Variants in ATXN7L1 observed in about 807,000 individuals in gnomAD.
ATXN7L1 encodes ataxin-7-like protein 1.
Under a neutral mutation model 70.8 loss-of-function variants are expected in ATXN7L1, and 15 were observed. The observed-to-expected ratio is 0.21, with a 90% CI of 0.14 to 0.33. The LOEUF (loss-of-function observed/expected upper bound fraction) is 0.33. Among genes scored for constraint, ATXN7L1 ranks in the 10% least tolerant of loss-of-function variants. The pLI is 1.00. For synonymous variants in ATXN7L1, 440 were observed against 445.1 expected (o/e 0.99, Z 0.14); for missense variants, 975 against 1,097.1 (o/e 0.89, Z 1.57).
chr7:105,824,508 A>G lies in ATXN7L1; in HGVS notation c.251-35800T>C, dbSNP rs146053036. ...ACGGTAAGAAAAAAAGCAGAAAACA[A>G]TCAAGAGCTCTTGGAAATTAAAAAT... On this transcript the variant is annotated intron_variant, in intron 2 of 11. Transcript: ENST00000419735. 3.6e-3 allele frequency among the ~76,000 whole-genome samples: 546 copies of G among 152,280 alleles called. 8 individuals are homozygous for G. Among genetic ancestry groups the G allele is most frequent in the African/African-American group, 0.012 (506 of 41,554 alleles).
At chr7:105,786,081 T>G (rs1377784971) in intron 3 of ATXN7L1, among the ~76,000 whole-genome samples, 1 of 152,146 alleles carries the variant, frequency 6.6e-6, no homozygotes, top group Non-Finnish European at 1.5e-5. Flanking sequence ...TAAATGTAAG[T>G]TTGTATTTGT....
chr7:105,831,709 A>G (rs1298936430), intron 2 of ATXN7L1, among the ~76,000 whole-genome samples: 1 of 152,216 alleles, frequency 6.6e-6, no homozygotes, highest in East Asian at 1.9e-4. Flanking sequence ...ATGCTGCTGC[A>G]GAGCAGTTGG....
intron 10 of ATXN7L1, 172 bp downstream of exon 10, chr7:105,613,690 G>A (rs1378827973): frequency 2.7e-6 from 4 of 1,470,306 alleles, no homozygotes; most frequent in Non-Finnish European, 3.6e-6. Context: ...GTGGTATCAA[G>A]TACTTGTTCA....
At chr7:105,829,311 C>T (rs1366046899) in intron 2 of ATXN7L1, among the ~76,000 whole-genome samples, 3 of 152,122 alleles carry the variant, frequency 2.0e-5, no homozygotes, top group African/African-American at 2.4e-5. Context: ...GGCGTGGCGG[C>T]GTACACCTGT....
At chr7:105,660,085 G>A (rs953226937) in intron 4 of ATXN7L1, among the ~76,000 whole-genome samples, 1 of 151,764 alleles carries the variant, frequency 6.6e-6, no homozygotes, top group East Asian at 1.9e-4. Context: ...AAAGTCCTGC[G>A]GAGTTTTCCC....
chr7:105,625,375 C>T (rs532496853), intron 7 of ATXN7L1, among the ~76,000 whole-genome samples: 38 of 152,208 alleles, frequency 2.5e-4, no homozygotes, highest in Non-Finnish European at 4.7e-4. Context: ...CTCAGCCTCC[C>T]GAGTAGCTGG....
At chr7:105,620,064 G>T (rs1240676125) in intron 9 of ATXN7L1, 136 bp downstream of exon 9, 4 of 1,118,612 alleles carry the variant, frequency 3.6e-6, no homozygotes, top group Admixed American at 4.9e-5. Context: ...TGGTATTTAA[G>T]AATTAATCAA....
At chr7:105,710,933 C>T (rs755269995) in intron 3 of ATXN7L1, among the ~76,000 whole-genome samples, 3 of 152,080 alleles carry the variant, frequency 2.0e-5, no homozygotes, top group Admixed American at 6.6e-5. Context: ...GAGCAAGTCA[C>T]GTCTTACATG....
At chr7:105,828,932 T>C (rs941112659) in intron 2 of ATXN7L1, among the ~76,000 whole-genome samples, 5 of 152,214 alleles carry the variant, frequency 3.3e-5, no homozygotes, top group African/African-American at 1.2e-4. Context: ...AAGATACTTC[T>C]CAAATTATGT....
intron 3 of ATXN7L1, among the ~76,000 whole-genome samples, chr7:105,717,362 G>A (rs928242895): frequency 3.3e-5 from 5 of 152,144 alleles, no homozygotes; most frequent in Middle Eastern, 6.8e-3. Context: ...TCCCGACCTC[G>A]TGATCTGCCC....
chr7:105,834,617 C>T (rs543515678), intron 2 of ATXN7L1, among the ~76,000 whole-genome samples: 1 of 152,236 alleles, frequency 6.6e-6, no homozygotes, highest in East Asian at 1.9e-4. Flanking sequence ...CTGAAGGGTG[C>T]TATTCTGATG....
intron 3 of ATXN7L1, among the ~76,000 whole-genome samples, chr7:105,674,043 A>T (rs1017842199): frequency 9.9e-5 from 15 of 152,168 alleles, no homozygotes; most frequent in African/African-American, 3.6e-4. Flanking sequence ...TGGAGTGCCC[A>T]TTCCCTTCTC....
intron 1 of ATXN7L1, 107 bp downstream of exon 1, chr7:105,876,271 C>T: frequency 1.5e-6 from 2 of 1,344,330 alleles, no homozygotes; most frequent in Admixed American, 2.8e-5. Context: ...GCATGGAGGA[C>T]ACCGGGGGCC....
intron 4 of ATXN7L1, among the ~76,000 whole-genome samples, chr7:105,643,649 C>T (rs556419162): frequency 5.9e-5 from 9 of 152,374 alleles, no homozygotes; most frequent in Admixed American, 4.6e-4. Flanking sequence ...GCGTGCTGCA[C>T]GGCGTGCTGT....
intron 3 of ATXN7L1, among the ~76,000 whole-genome samples, chr7:105,714,701 C>T (rs34311098): frequency 0.087 from 13,293 of 152,134 alleles, 717 homozygotes; most frequent in Non-Finnish European, 0.12. Context: ...CTCGCTCTGT[C>T]GCCCACGCTG....
intron 2 of ATXN7L1, among the ~76,000 whole-genome samples, chr7:105,858,409 T>G (rs1231318980): frequency 1.3e-5 from 2 of 152,088 alleles, no homozygotes; most frequent in African/African-American, 4.8e-5. Flanking sequence ...TAAAAGCAGA[T>G]CAGAATGACA....
chr7:105,863,855 A>AAAAAC (rs747626908), intron 2 of ATXN7L1, among the ~76,000 whole-genome samples: 1 of 152,224 alleles, frequency 6.6e-6, no homozygotes, highest in Non-Finnish European at 1.5e-5. Context: ...ATTGTTACTT[A>AAAAAC]AAAACAAAAC....
intron 10 of ATXN7L1, among the ~76,000 whole-genome samples, chr7:105,613,037 C>T (rs757326152): frequency 9.2e-5 from 14 of 152,164 alleles, no homozygotes; most frequent in African/African-American, 2.2e-4. Flanking sequence ...CCCTTCCCCA[C>T]GTCTGCTCCC....
intron 3 of ATXN7L1, among the ~76,000 whole-genome samples, chr7:105,692,403 T>TTCCCTCCC (rs1554431599): frequency 1.5e-5 from 1 of 68,116 alleles, no homozygotes; most frequent in African/African-American, 5.9e-5. Context: ...CCTTCCTTCC[T>TTCCCTCCC]TCCTTCCTTC....
Sources: allele counts gnomAD v4.1 joint callset (sites outside exome capture counted in the v4.1 genomes callset), GRCh38; gene constraint gnomAD v4.1.1; transcripts MANE v1.5; gene names NCBI Gene and HGNC (gene_info 2026-07-23, HGNC 2026-07-21).